The following APLF variants were observed in gnomAD, a reference collection of about 807,000 sequenced individuals.
The protein encoded by APLF is aprataxin and PNK-like factor.
APLF carries 61 observed loss-of-function variants against 55.6 expected under a neutral mutation model. The observed-to-expected ratio is 1.10, with a 90% CI of 0.89 to 1.36. The LOEUF (loss-of-function observed/expected upper bound fraction) is 1.36. Among genes scored for constraint, APLF ranks in the 40% most tolerant of loss-of-function variants. The pLI is 0.00. For synonymous variants in APLF, 207 were observed against 214.8 expected (o/e 0.96, Z 0.32); for missense variants, 611 against 602.5 (o/e 1.01, Z -0.15).
Position 68,526,189 on chromosome 2 carries a change from A to G in APLF, c.751A>G (p.Thr251Ala), listed in dbSNP as rs1488146257. Residue 251 changes from threonine to alanine, a missense_variant, in exon 6 of 10, where the codon ACA (threonine) becomes GCA (alanine). By Grantham distance (58) the Thr-to-Ala change is moderately conservative. Transcript: ENST00000303795. ...SSENTSAEQD[T>A]GEECKNTDQE... ...AGAAAATACATCAGCAGAACAAGACACAGGAGAAGAGTGCAAAAATACTGA... is the reference window on the plus strand; with the variant it reads ...AGAAAATACATCAGCAGAACAAGACGCAGGAGAAGAGTGCAAAAATACTGA... 1.9e-6 allele frequency: 3 copies of G among 1,613,768 alleles called. No homozygotes were observed. Among genetic ancestry groups the G allele is most frequent in the Middle Eastern group, 3.3e-4 (2 of 6,062 alleles).
chr2:68,567,629 T>A (rs1295576351), intron 9 of APLF, among the ~76,000 whole-genome samples: 1 of 152,092 alleles, frequency 6.6e-6, no homozygotes, highest in Non-Finnish European at 1.5e-5. Context: ...ATTCTTTTGT[T>A]TGCAAGTACC....
intron 9 of APLF, 62 bp from the exon 10 acceptor site, chr2:68,577,758 A>C: frequency 1.9e-6 from 3 of 1,578,404 alleles, no homozygotes; most frequent in Non-Finnish European, 1.7e-6. Context: ...TTATAGGTAG[A>C]TGTCTGTCAT....
At chr2:68,513,810 C>G (rs1669488583) in intron 5 of APLF, 130 bp downstream of exon 5, 3 of 1,060,342 alleles carry the variant, frequency 2.8e-6, no homozygotes, top group African/African-American at 1.7e-5. Context: ...TATAGCCTAG[C>G]CTAGTTTTTT....
chr2:68,548,197 T>C (rs1670758122), intron 8 of APLF, among the ~76,000 whole-genome samples: 1 of 151,830 alleles, frequency 6.6e-6, no homozygotes, highest in Non-Finnish European at 1.5e-5. Flanking sequence ...CAGGGATTAT[T>C]TTCTAAAACA....
At chr2:68,527,556 G>T (rs557862819) in intron 6 of APLF, among the ~76,000 whole-genome samples, 1 of 151,440 alleles carries the variant, frequency 6.6e-6, no homozygotes, top group East Asian at 2.0e-4. Flanking sequence ...CCAGGCAGAA[G>T]CGCTCCTCAC....
intron 6 of APLF, 152 bp from the exon 7 acceptor site, chr2:68,537,720 A>G: frequency 1.6e-6 from 1 of 643,948 alleles, no homozygotes; most frequent in South Asian, 2.3e-5. Flanking sequence ...AACTAAGCGC[A>G]TAGAAAATAG....
At chr2:68,556,824 G>T (rs1471035083) in intron 8 of APLF, among the ~76,000 whole-genome samples, 1 of 152,098 alleles carries the variant, frequency 6.6e-6, no homozygotes, top group Admixed American at 6.6e-5. Flanking sequence ...GCCTTAGGAG[G>T]TGTGTCAGTT....
chr2:68,513,308 C>G (rs775355634), intron 4 of APLF, 81 bp downstream of exon 4: 33 of 1,448,450 alleles, frequency 2.3e-5, no homozygotes, highest in Non-Finnish European at 3.0e-5. Context: ...GAAATTAGGC[C>G]TATTATGACA....
At chr2:68,478,613 G>A (rs777974258) in intron 1 of APLF, among the ~76,000 whole-genome samples, 3 of 152,186 alleles carry the variant, frequency 2.0e-5, no homozygotes, top group Non-Finnish European at 4.4e-5. Flanking sequence ...AGTGTCTGCT[G>A]CCCAAGCAGC....
At chr2:68,575,062 A>G (rs944022833) in intron 9 of APLF, among the ~76,000 whole-genome samples, 3 of 152,174 alleles carry the variant, frequency 2.0e-5, no homozygotes, top group Non-Finnish European at 2.9e-5. Context: ...ACAAGCAATT[A>G]TTTGTTGTCA....
At chr2:68,489,922 G>A (rs1676302085) in intron 1 of APLF, among the ~76,000 whole-genome samples, 1 of 152,112 alleles carries the variant, frequency 6.6e-6, no homozygotes, top group South Asian at 2.1e-4. Flanking sequence ...GTCATGAATG[G>A]AAACTATCAT....
At chr2:68,487,590 A>C (rs1392350377) in intron 1 of APLF, among the ~76,000 whole-genome samples, 1 of 152,184 alleles carries the variant, frequency 6.6e-6, no homozygotes, top group African/African-American at 2.4e-5. Flanking sequence ...CAGTTGATGT[A>C]TTAATAAATA....
rs1671710488 is a variant in APLF at position 68,579,378 on chromosome 2, A to G, written c.*1356A>G. 1.0e-6 allele frequency: 1 copy of G among 980,448 alleles called. No homozygotes were observed. The highest frequency in any genetic ancestry group is 1.8e-5 in the African/African-American group (1 of 57,122). The allele number at this position is 980,448 out of a possible 1,614,324, so 60.7% of individuals were successfully genotyped here. Reference sequence around the variant, plus strand: ...AGTATAACAAATCTACGAATGTAATATTTAACTTATTCTCATCCCTGCCAC... The same window carrying G: ...AGTATAACAAATCTACGAATGTAATGTTTAACTTATTCTCATCCCTGCCAC... On this transcript the variant is annotated 3_prime_UTR_variant, in exon 10 of 10. Transcript: ENST00000303795.
rs768903810 is a variant in APLF at position 68,545,314 on chromosome 2, T to C, written c.1286+2T>C. On this transcript the variant is annotated splice_donor_variant, in intron 8 of 9. Coordinates refer to ENST00000303795, the MANE Select transcript of APLF (RefSeq NM_173545.3). LOFTEE classifies it high-confidence loss of function. The stretch of plus-strand genomic sequence containing the variant: ...TCCCTATGGACCATCCTGTTATAGG[T>C]ATAGAAACTGAATGTTTGGCTGCAC... 1.4e-5 allele frequency: 22 copies of C among 1,608,752 alleles called. No homozygotes were observed. In the African/African-American group the frequency reaches 2.9e-4, roughly 22 times the overall value.
At chr2:68,510,565 A>G (rs915846509) in intron 3 of APLF, among the ~76,000 whole-genome samples, 2 of 151,840 alleles carry the variant, frequency 1.3e-5, no homozygotes, top group African/African-American at 4.8e-5. Context: ...ACTATTATAC[A>G]TTGTGGTGGG....
intron 8 of APLF, among the ~76,000 whole-genome samples, chr2:68,554,359 G>T (rs1670948152): frequency 6.6e-6 from 1 of 151,976 alleles, no homozygotes; most frequent in African/African-American, 2.4e-5. Context: ...TCTGTGACTT[G>T]TTATACTTTT....
At chr2:68,563,024 A>G in intron 8 of APLF, 3 of 977,904 alleles carry the variant, frequency 3.1e-6, no homozygotes, top group Non-Finnish European at 3.6e-6. Context: ...AGCCTGTCAT[A>G]GATACTCTTT....
intron 7 of APLF, among the ~76,000 whole-genome samples, chr2:68,544,497 G>A (rs1303677223): frequency 6.6e-6 from 1 of 152,086 alleles, no homozygotes; most frequent in Non-Finnish European, 1.5e-5. Flanking sequence ...TTTCTTGGAA[G>A]TTAATAATTA....
chr2:68,469,601 G>C (rs1453985230), intron 1 of APLF, among the ~76,000 whole-genome samples: 2 of 152,174 alleles, frequency 1.3e-5, no homozygotes, highest in African/African-American at 4.8e-5. Context: ...TCCTAAGTGT[G>C]TTAAAGGAAA....
Sources: allele counts gnomAD v4.1 joint callset (sites outside exome capture counted in the v4.1 genomes callset), GRCh38; gene constraint gnomAD v4.1.1; transcripts MANE v1.5; gene names NCBI Gene and HGNC (gene_info 2026-07-23, HGNC 2026-07-21).